The following NCKAP1 variants were observed in gnomAD, a reference collection of about 807,000 sequenced individuals.
NCKAP1 encodes the protein NCK associated protein 1.
Under a neutral mutation model 151.2 loss-of-function variants are expected in NCKAP1, and 21 were observed. That is an observed-to-expected ratio of 0.14 (90% confidence interval 0.10 to 0.20). NCKAP1 has a LOEUF of 0.20. NCKAP1 is among the 10% of genes least tolerant of loss of function. NCKAP1 has a pLI of 1.00. For synonymous variants in NCKAP1, 484 were observed against 451.8 expected, an observed-to-expected ratio of 1.07 and a Z score of -0.90; for missense variants, 933 against 1,352.1, an observed-to-expected ratio of 0.69 and a Z score of 4.86.
Position 182,982,718 on chromosome 2 carries a change from A to C in NCKAP1, c.1208+103T>G. 6.9e-6 allele frequency: 5 copies of C among 727,872 alleles called. No homozygotes were observed. In the South Asian group the frequency reaches 6.9e-5, roughly 10 times the overall value. 45.1% of individuals were successfully genotyped at this position (727,872 alleles called of 1,614,324 possible). A position where few individuals can be genotyped will look rare whatever the true frequency, so the allele number is the denominator to read the frequency against. ...AGGTGTACTAAATGAATTTCAACTT[A>C]ACAATATTTTCAACTTACAATAGGT... On this transcript the variant is annotated intron_variant, in intron 12 of 30. Transcript: ENST00000361354.
intron 2 of NCKAP1, among the ~76,000 whole-genome samples, chr2:183,013,575 T>G (rs568565530): frequency 6.6e-6 from 1 of 152,182 alleles, no homozygotes; most frequent in Non-Finnish European, 1.5e-5. Context: ...ATCTCAATGA[T>G]GGCAAATTTC....
intron 7 of NCKAP1, 81 bp downstream of exon 7, chr2:182,995,616 GAAAC>G (rs531568802): frequency 1.2e-4 from 151 of 1,293,324 alleles, no homozygotes; most frequent in Non-Finnish European, 1.6e-4. Flanking sequence ...ATGCTAATTA[GAAAC>G]AAACAGCAAC....
intron 2 of NCKAP1, among the ~76,000 whole-genome samples, chr2:183,008,332 CT>C (rs1298331484): frequency 6.6e-6 from 1 of 152,214 alleles, no homozygotes; most frequent in Non-Finnish European, 1.5e-5. Flanking sequence ...ATTCTCTATA[CT>C]ATTTTTGCAA....
chr2:183,024,884 C>T (rs1362932619), intron 1 of NCKAP1: 20 of 1,382,040 alleles, frequency 1.4e-5, no homozygotes, highest in African/African-American at 4.3e-5. Context: ...TTTACTATGG[C>T]TATGTTGTGG....
chr2:183,024,387 G>T (rs1329282477), intron 1 of NCKAP1, among the ~76,000 whole-genome samples: 1 of 152,106 alleles, frequency 6.6e-6, no homozygotes, highest in African/African-American at 2.4e-5. Context: ...TAGTTCAAAA[G>T]AACTGGAAGC....
At chr2:182,978,956 T>C (rs367657752) in intron 13 of NCKAP1, 41 bp from the exon 14 acceptor site, 44 of 1,417,384 alleles carry the variant, frequency 3.1e-5, no homozygotes, top group Middle Eastern at 1.8e-4. Context: ...ACATCTATAG[T>C]TGGGAAACAA....
At chr2:182,972,269 A>G (rs532053255) in intron 15 of NCKAP1, among the ~76,000 whole-genome samples, 1 of 151,956 alleles carries the variant, frequency 6.6e-6, no homozygotes, top group South Asian at 2.1e-4. Context: ...AAAAATGGGC[A>G]AAAGAGCTAA....
rs1179433173 is a variant in NCKAP1 at position 182,924,675 on chromosome 2, AGTATT to A, written c.*1022_*1026del. ...TTCTTTAAGTTCTTAATTTTTAAGA[AGTATT>A]GTGTAATTTTATTTTCTAATTTTGG... On this transcript the variant is annotated 3_prime_UTR_variant, in exon 31 of 31. Coordinates refer to ENST00000361354, the MANE Select transcript of NCKAP1 (RefSeq NM_013436.5). The A allele has an allele frequency of 6.6e-6, 1 of 152,160 alleles. No homozygotes were observed. The highest frequency in any genetic ancestry group is 2.4e-5 in the African/African-American group (1 of 41,456). 9.4% of individuals were successfully genotyped at this position (152,160 alleles called of 1,614,324 possible).
chr2:182,952,530 C>T, intron 22 of NCKAP1, 28 bp from the exon 23 acceptor site: 1 of 1,472,708 alleles, frequency 6.8e-7, no homozygotes, highest in East Asian at 2.3e-5. Flanking sequence ...TAATTTTATA[C>T]TTCCGACAGA....
intron 1 of NCKAP1, among the ~76,000 whole-genome samples, chr2:183,029,427 T>TGTTA (rs1395109271): frequency 6.6e-6 from 1 of 151,726 alleles, no homozygotes; most frequent in Non-Finnish European, 1.5e-5. Flanking sequence ...ACATGGTTAA[T>TGTTA]GTTACTATTT....
At chr2:183,020,539 C>T (rs1698779078) in intron 2 of NCKAP1, among the ~76,000 whole-genome samples, 1 of 151,228 alleles carries the variant, frequency 6.6e-6, no homozygotes, top group East Asian at 1.9e-4. Flanking sequence ...TTATGAGTAC[C>T]TTTTCTGAAA....
chr2:182,943,960 G>A (rs970213938), intron 23 of NCKAP1, among the ~76,000 whole-genome samples: 4 of 152,054 alleles, frequency 2.6e-5, no homozygotes, highest in South Asian at 2.1e-4. Context: ...TCTTTTGTGC[G>A]CATAAAAATT....
At chr2:182,993,582 G>A (rs570252061) in intron 8 of NCKAP1, among the ~76,000 whole-genome samples, 1 of 152,256 alleles carries the variant, frequency 6.6e-6, no homozygotes, top group Admixed American at 6.5e-5. Context: ...CAGTAACACG[G>A]ATGGAGATGG....
At chr2:183,021,134 A>G (rs553661584) in intron 2 of NCKAP1, among the ~76,000 whole-genome samples, 59 of 152,362 alleles carry the variant, frequency 3.9e-4, no homozygotes, top group Middle Eastern at 6.8e-3. Flanking sequence ...ATTCTTTCAC[A>G]GGTTTATAAA....
chr2:182,983,015 G>C, intron 11 of NCKAP1, 88 bp from the exon 12 acceptor site: 1 of 975,886 alleles, frequency 1.0e-6, no homozygotes, highest in East Asian at 2.6e-5. Context: ...TCATTGGCAA[G>C]AAGTGATAAT....
intron 18 of NCKAP1, among the ~76,000 whole-genome samples, chr2:182,959,586 C>T (rs188824315): frequency 2.4e-4 from 37 of 152,234 alleles, no homozygotes; most frequent in East Asian, 5.8e-4. Flanking sequence ...TAGGATGTAT[C>T]TCAAAATAAT....
chr2:182,976,636 T>C (rs1697830099), intron 15 of NCKAP1, among the ~76,000 whole-genome samples: 1 of 152,164 alleles, frequency 6.6e-6, no homozygotes, highest in African/African-American at 2.4e-5. Flanking sequence ...TGAATCAGGA[T>C]AATCAAGAGA....
At position 182,919,059 on chromosome 2, in the gene NCKAP1, G is replaced by C. The variant is rs1350288679; in HGVS notation, c.*6643C>G. 1 of 152,182 alleles carries C rather than the reference G, an allele frequency of 6.6e-6. No individual in the cohort carries two copies. Among genetic ancestry groups the C allele is most frequent in the Non-Finnish European group, 1.5e-5 (1 of 68,028 alleles). The allele number at this position is 152,182 out of a possible 1,614,324, so 9.4% of individuals were successfully genotyped here. A position where few individuals can be genotyped will look rare whatever the true frequency, so the allele number is the denominator to read the frequency against. On this transcript the variant is annotated 3_prime_UTR_variant, in exon 31 of 31. Transcript: ENST00000361354. ...GGGGTCATCATGATATAGGATTACT[G>C]TGAAGACTAAAAGAGCAATATTTAG...
chr2:183,003,571 A>C (rs1405209021), intron 2 of NCKAP1, among the ~76,000 whole-genome samples: 3 of 152,100 alleles, frequency 2.0e-5, no homozygotes, highest in Non-Finnish European at 4.4e-5. Flanking sequence ...CTATTAAGGA[A>C]AATCTGAAAG....
Sources: gnomAD v4.1 joint callset for allele counts (sites outside exome capture counted in the v4.1 genomes callset) on GRCh38, gnomAD v4.1.1 for gene constraint, MANE v1.5 for transcripts, NCBI Gene and HGNC (gene_info 2026-07-23, HGNC 2026-07-21) for gene names.